PIP5K1A: variants seen among roughly 807,000 people sequenced by gnomAD.
The protein encoded by PIP5K1A is phosphatidylinositol 4-phosphate 5-kinase type-1 alpha.
In PIP5K1A, 46 loss-of-function variants were observed where a neutral mutation model predicts 72.9. The ratio of observed to expected loss-of-function variants is 0.63; its 90% CI spans 0.50 to 0.81. The LOEUF is 0.81. PIP5K1A is among the 30% of genes least tolerant of loss of function. The probability of loss-of-function intolerance (pLI) is 0.00; values close to 1 mark genes in which losing one functional copy is unlikely to be tolerated. For missense variants in PIP5K1A, 458 were observed against 706.1 expected (o/e 0.65, Z 3.98); for synonymous variants, 228 against 255.1 (o/e 0.89, Z 1.01).
At chr1:151,196,803 C>T (rs371683742), upstream of PIP5K1A, among the ~76,000 whole-genome samples, 3 of 151,598 alleles carry the variant, frequency 2.0e-5, no homozygotes, top group Middle Eastern at 6.8e-3. Context: ...TCAGGTGATC[C>T]GCCCGCCTCG....
intron 1 of PIP5K1A, among the ~76,000 whole-genome samples, chr1:151,210,613 C>G (rs1686668749): frequency 6.6e-6 from 1 of 152,076 alleles, no homozygotes; most frequent in African/African-American, 2.4e-5. Context: ...GAGATGGAGT[C>G]TCGCTCTGTT....
intron 1 of PIP5K1A, among the ~76,000 whole-genome samples, chr1:151,218,272 C>A (rs1441197852): frequency 6.6e-6 from 1 of 152,106 alleles, no homozygotes; most frequent in South Asian, 2.1e-4. Context: ...CTTTCATATT[C>A]TTTTTGCAAA....
intron 4 of PIP5K1A, among the ~76,000 whole-genome samples, chr1:151,229,360 C>CTTTTT (rs587604327): frequency 1.5e-5 from 2 of 130,758 alleles, no homozygotes; most frequent in Admixed American, 7.9e-5. Flanking sequence ...GCTTATTTAG[C>CTTTTT]TTTTTTTTTT....
intron 1 of PIP5K1A, among the ~76,000 whole-genome samples, chr1:151,207,386 C>A (rs1368000229): frequency 6.6e-6 from 1 of 151,948 alleles, no homozygotes; most frequent in African/African-American, 2.4e-5. Context: ...TATTTGAGGT[C>A]TGAGAACCAT....
intron 1 of PIP5K1A, among the ~76,000 whole-genome samples, chr1:151,208,719 C>CTTTT (rs61545057): frequency 0.012 from 504 of 43,174 alleles, 161 homozygotes; most frequent in Admixed American, 0.017. Flanking sequence ...TAATGGTACG[C>CTTTT]TTTTTTTTTT....
chr1:151,198,859 G>C lies in PIP5K1A; in HGVS notation c.-138G>C. 1.4e-5 allele frequency: 11 copies of C among 806,910 alleles called. No individual in the cohort carries two copies. Among genetic ancestry groups the C allele is most frequent in the Non-Finnish European group, 2.3e-5 (11 of 483,044 alleles). 50.0% of individuals were successfully genotyped at this position (806,910 alleles called of 1,614,324 possible). A position where few individuals can be genotyped will look rare whatever the true frequency, so the allele number is the denominator to read the frequency against. On this transcript the variant is annotated 5_prime_UTR_variant, in exon 1 of 16. Coordinates refer to ENST00000368888, the MANE Select transcript of PIP5K1A (RefSeq NM_001135638.2). ...CCAGGAGCCGGCTCGACGTGTCTGAGGGAGGCCCCGGAGGGGGCGGGGAGG... is the reference window on the plus strand; with the variant it reads ...CCAGGAGCCGGCTCGACGTGTCTGACGGAGGCCCCGGAGGGGGCGGGGAGG...
chr1:151,196,439 T>C (rs1489147394), upstream of PIP5K1A, among the ~76,000 whole-genome samples: 2 of 152,058 alleles, frequency 1.3e-5, no homozygotes, highest in Non-Finnish European at 1.5e-5. Flanking sequence ...CAAGATTTTG[T>C]CTACTTTCGG....
intron 1 of PIP5K1A, among the ~76,000 whole-genome samples, chr1:151,212,181 G>T (rs1296505408): frequency 6.6e-6 from 1 of 151,778 alleles, no homozygotes; most frequent in African/African-American, 2.4e-5. Flanking sequence ...TGGCTGGTGC[G>T]GTAGCTTAAC....
intron 1 of PIP5K1A, among the ~76,000 whole-genome samples, chr1:151,209,821 C>G (rs1686532943): frequency 6.6e-6 from 1 of 151,974 alleles, no homozygotes. Context: ...ATCTGCCCAC[C>G]TCAGCCTTCC....
chr1:151,232,720 C>A lies in PIP5K1A; in HGVS notation c.639+17C>A. On this transcript the variant is annotated intron_variant, in intron 7 of 15. Transcript: ENST00000368888. ...TACTACATGGTAAGGGAGAGAGAAG[C>A]ACTGTCCACCTGTGCTGCTCACTTC... is the stretch of plus-strand genomic sequence containing the variant. 6.2e-7 allele frequency: 1 copy of A among 1,610,218 alleles called. No individual in the cohort carries two copies. The highest frequency in any genetic ancestry group is 8.5e-7 in the Non-Finnish European group (1 of 1,177,702).
intron 1 of PIP5K1A, among the ~76,000 whole-genome samples, chr1:151,205,531 G>A (rs1685808835): frequency 6.6e-6 from 1 of 151,804 alleles, no homozygotes; most frequent in South Asian, 2.1e-4. Context: ...CAAGAGCCGG[G>A]CATGGTGACT....
At chr1:151,216,176 G>A (rs1021764728) in intron 1 of PIP5K1A, among the ~76,000 whole-genome samples, 2 of 151,942 alleles carry the variant, frequency 1.3e-5, no homozygotes, top group African/African-American at 4.8e-5. Flanking sequence ...GTGAAACCCC[G>A]TCTCTACTAA....
At chr1:151,224,971 G>A (rs1309685419) in intron 3 of PIP5K1A, among the ~76,000 whole-genome samples, 1 of 152,132 alleles carries the variant, frequency 6.6e-6, no homozygotes, top group Non-Finnish European at 1.5e-5. Flanking sequence ...TCTGTCAGGT[G>A]ATATACTGAG....
chr1:151,238,477 A>G (rs1221168290), intron 10 of PIP5K1A: 2 of 532,652 alleles, frequency 3.8e-6, no homozygotes, highest in Non-Finnish European at 6.8e-6. Flanking sequence ...ATCTCCCCAG[A>G]CATAATGTAT....
At chr1:151,201,056 G>A (rs1045519248) in intron 1 of PIP5K1A, among the ~76,000 whole-genome samples, 1 of 152,070 alleles carries the variant, frequency 6.6e-6, no homozygotes, top group Non-Finnish European at 1.5e-5. Context: ...GGATGGTCTC[G>A]ATCTCCTGAC....
In PIP5K1A at chr1:151,198,634, T is replaced by A. The variant is rs753688355; in HGVS notation, c.-363T>A. The A allele has an allele frequency of 1.9e-5, 5 of 257,768 alleles. No homozygotes were observed. In the South Asian group the frequency reaches 3.2e-4, roughly 17 times the overall value. The allele number at this position is 257,768 out of a possible 1,614,324, so 16.0% of individuals were successfully genotyped here. ...GGTTAGGAAGGACGGAGAAGGGGCG[T>A]TCGCTCCTTTGGGACTTTTCATGCC... On this transcript the variant is annotated 5_prime_UTR_variant, in exon 1 of 16. Transcript: ENST00000368888.
intron 1 of PIP5K1A, among the ~76,000 whole-genome samples, chr1:151,201,527 T>G (rs1342394301): frequency 6.6e-6 from 1 of 152,034 alleles, no homozygotes; most frequent in Non-Finnish European, 1.5e-5. Flanking sequence ...TTTATTTTTT[T>G]GTGTTTTTAG....
intron 1 of PIP5K1A, among the ~76,000 whole-genome samples, chr1:151,209,846 A>C (rs983351909): frequency 2.6e-5 from 4 of 151,750 alleles, no homozygotes; most frequent in Non-Finnish European, 4.4e-5. Flanking sequence ...TGCTGGAGTT[A>C]CAGGCGTGAG....
intron 1 of PIP5K1A, among the ~76,000 whole-genome samples, chr1:151,220,570 C>G (rs959398538): frequency 2.6e-5 from 4 of 151,916 alleles, no homozygotes; most frequent in Non-Finnish European, 5.9e-5. Flanking sequence ...CGGGTTCAAC[C>G]GATTCTCCTG....
Sources: allele counts gnomAD v4.1 joint callset (sites outside exome capture counted in the v4.1 genomes callset), GRCh38; gene constraint gnomAD v4.1.1; transcripts MANE v1.5; gene names NCBI Gene and HGNC (gene_info 2026-07-23, HGNC 2026-07-21).